The following COL25A1 variants were observed in gnomAD, a reference collection of about 807,000 sequenced individuals.
COL25A1 encodes collagen alpha-1(XXV) chain.
In COL25A1, 103 loss-of-function variants were observed where a neutral mutation model predicts 128.4. The observed-to-expected ratio is 0.80, with a 90% CI of 0.68 to 0.94. The LOEUF is 0.94. COL25A1 is among the 40% of genes least tolerant of loss of function. The pLI is 0.00. For synonymous variants in COL25A1, 279 were observed against 277.2 expected (o/e 1.01, Z -0.06); for missense variants, 745 against 840.0 (o/e 0.89, Z 1.40).
At chr4:109,216,304 AGGAAGGAAAGAC>A in intron 3 of COL25A1, among the ~76,000 whole-genome samples, 1 of 151,092 alleles carries the variant, frequency 6.6e-6, no homozygotes, top group Middle Eastern at 3.2e-3. Context: ...GAAGGACGGA[AGGAAGGAAAGAC>A]GGAAGGAAGG....
intron 20 of COL25A1, among the ~76,000 whole-genome samples, chr4:108,863,716 G>A (rs567203473): frequency 2.0e-5 from 3 of 152,266 alleles, no homozygotes; most frequent in South Asian, 2.1e-4. Flanking sequence ...TACTTTCAAC[G>A]TGAGGGGGCA....
intron 6 of COL25A1, among the ~76,000 whole-genome samples, chr4:109,008,963 A>G (rs781041077): frequency 6.6e-6 from 1 of 152,110 alleles, no homozygotes; most frequent in Non-Finnish European, 1.5e-5. Flanking sequence ...TCCACTAAAA[A>G]TACAAAAATT....
intron 3 of COL25A1, among the ~76,000 whole-genome samples, chr4:109,180,603 G>C (rs1225444218): frequency 2.0e-5 from 3 of 151,998 alleles, no homozygotes; most frequent in Non-Finnish European, 4.4e-5. Flanking sequence ...TAACGATGAT[G>C]ATTATATAAG....
intron 3 of COL25A1, among the ~76,000 whole-genome samples, chr4:109,053,297 T>C (rs567645279): frequency 6.6e-6 from 1 of 152,290 alleles, no homozygotes; most frequent in African/African-American, 2.4e-5. Context: ...ATCATGGTAA[T>C]TATTTAAAAA....
At chr4:108,823,748 CA>C in intron 35 of COL25A1, 1 of 305,800 alleles carries the variant, frequency 3.3e-6, no homozygotes, top group Non-Finnish European at 5.6e-6. Flanking sequence ...TATCAACGTA[CA>C]AAACATATCT....
Position 109,269,153 on chromosome 4 carries a change from A to G in COL25A1, c.367+31430T>C, listed in dbSNP as rs200363760. On this transcript the variant is annotated intron_variant, in intron 3 of 37. Transcript: ENST00000399132. Reference sequence around the variant, plus strand: ...TGTGTCTATGTGATCTCATTGTTCAATTCCCACCTATGAGTGAGAATATGC... The same window carrying G: ...TGTGTCTATGTGATCTCATTGTTCAGTTCCCACCTATGAGTGAGAATATGC... 3.4e-5 allele frequency among the ~76,000 whole-genome samples: 5 copies of G among 145,606 alleles called. No homozygotes were observed. The East Asian group carries it at 8.1e-4, about 24-fold the overall frequency.
intron 3 of COL25A1, among the ~76,000 whole-genome samples, chr4:109,080,328 T>C (rs1763730162): frequency 6.6e-6 from 1 of 152,110 alleles, no homozygotes; most frequent in Non-Finnish European, 1.5e-5. Context: ...AAACTGTTTC[T>C]CCATGGATTT....
intron 5 of COL25A1, among the ~76,000 whole-genome samples, chr4:109,030,019 A>G (rs1459678690): frequency 2.0e-5 from 3 of 152,126 alleles, no homozygotes; most frequent in African/African-American, 7.2e-5. Flanking sequence ...GGACGTTAAT[A>G]CACCCTTTCT....
chr4:109,296,444 T>G (rs866092858), intron 3 of COL25A1, among the ~76,000 whole-genome samples: 1 of 152,072 alleles, frequency 6.6e-6, no homozygotes, highest in Admixed American at 6.5e-5. Context: ...TTTTAAAGAT[T>G]TGTCTGTCAT....
At position 109,254,505 on chromosome 4, in the gene COL25A1, A is replaced by ATATATATATATATATATATATATATATG. The variant is rs1383703429; in HGVS notation, c.367+46077_367+46078insCATATATATATATATATATATATATATA. On this transcript the variant is annotated intron_variant, in intron 3 of 37. Transcript: ENST00000399132. Reference sequence around the variant, plus strand: ...TATATATATATATATATATATATATATGTATGTGTGTATATACATATACAT... The same window carrying ATATATATATATATATATATATATATATG: ...TATATATATATATATATATATATATATATATATATATATATATATATATATATGTGTATGTGTGTATATACATATACAT... 1.0e-4 allele frequency among the ~76,000 whole-genome samples: 11 copies of ATATATATATATATATATATATATATATG among 105,008 alleles called. 1 individual carries two copies. The highest frequency in any genetic ancestry group is 1.2e-4 in the Non-Finnish European group (6 of 51,878). 68.9% of individuals were successfully genotyped at this position (105,008 alleles called of 152,430 possible).
rs1372072146 is a variant in COL25A1 at position 109,300,669 on chromosome 4, G to A, written c.298-17C>T. On this transcript the variant is annotated splice_polypyrimidine_tract_variant and intron_variant, in intron 2 of 37. Coordinates refer to ENST00000399132, the MANE Select transcript of COL25A1 (RefSeq NM_198721.4). ...ATAGGATTTCTGTAGGAAAAGAAGAGTTATTAATAATCATCAGTAGCACTG... is the reference window on the plus strand; with the variant it reads ...ATAGGATTTCTGTAGGAAAAGAAGAATTATTAATAATCATCAGTAGCACTG... 13 of 1,570,550 alleles carry A rather than the reference G, an allele frequency of 8.3e-6. No homozygotes were observed. Among genetic ancestry groups the A allele is most frequent in the Non-Finnish European group, 1.1e-5 (13 of 1,140,502 alleles).
chr4:109,199,791 G>A (rs898963950), intron 3 of COL25A1, among the ~76,000 whole-genome samples: 1 of 152,156 alleles, frequency 6.6e-6, no homozygotes, highest in South Asian at 2.1e-4. Flanking sequence ...AGCATTAAAA[G>A]GTAGTGTGTA....
intron 3 of COL25A1, among the ~76,000 whole-genome samples, chr4:109,224,058 G>A (rs1407565717): frequency 1.3e-5 from 2 of 152,064 alleles, no homozygotes; most frequent in African/African-American, 4.8e-5. Context: ...TCCTGTCTTG[G>A]AATTTTTAAT....
chr4:108,911,018 T>G (rs1261600910), intron 13 of COL25A1, among the ~76,000 whole-genome samples: 12 of 152,210 alleles, frequency 7.9e-5, no homozygotes. Flanking sequence ...CGGGGTAGAT[T>G]TCACCCGTTA....
intron 3 of COL25A1, among the ~76,000 whole-genome samples, chr4:109,236,899 T>TA (rs891694983): frequency 4.0e-5 from 6 of 150,998 alleles, no homozygotes; most frequent in Non-Finnish European, 7.4e-5. Context: ...TTTGCTCCTC[T>TA]AAAAAAAAAT....
chr4:109,135,034 A>G (rs1400113137), intron 3 of COL25A1, among the ~76,000 whole-genome samples: 1 of 151,526 alleles, frequency 6.6e-6, no homozygotes, highest in Non-Finnish European at 1.5e-5. Flanking sequence ...CAAAAAAAAA[A>G]AAAAAAAAAA....
At chr4:108,869,006 G>T in intron 20 of COL25A1, 82 bp downstream of exon 20, 3 of 772,812 alleles carry the variant, frequency 3.9e-6, no homozygotes, top group East Asian at 2.9e-5. Flanking sequence ...AAAGAGAAAG[G>T]AAAGAAAAGG....
intron 22 of COL25A1, among the ~76,000 whole-genome samples, chr4:108,861,635 T>C (rs539551662): frequency 1.3e-5 from 2 of 152,324 alleles, no homozygotes; most frequent in South Asian, 2.1e-4. Flanking sequence ...TGAAGTTTCA[T>C]TGATGGTGGC....
At chr4:109,088,628 C>T (rs1764625055) in intron 3 of COL25A1, among the ~76,000 whole-genome samples, 2 of 152,114 alleles carry the variant, frequency 1.3e-5, no homozygotes, top group South Asian at 4.1e-4. Context: ...TGAATGATAA[C>T]GATCAATTAG....
Sources: allele counts gnomAD v4.1 joint callset (sites outside exome capture counted in the v4.1 genomes callset), GRCh38; gene constraint gnomAD v4.1.1; transcripts MANE v1.5; gene names NCBI Gene and HGNC (gene_info 2026-07-23, HGNC 2026-07-21).